SIPA1L2: variants seen among roughly 807,000 people sequenced by gnomAD.
SIPA1L2 encodes the protein signal induced proliferation associated 1 like 2.
SIPA1L2 carries 56 observed loss-of-function variants against 163.9 expected under a neutral mutation model. That is an observed-to-expected ratio of 0.34 (90% CI 0.28 to 0.43). The LOEUF is 0.43. Ranked by LOEUF, SIPA1L2 falls within the 20% of genes least tolerant of loss-of-function variation. The probability of loss-of-function intolerance (pLI) is 1.00; values close to 1 mark genes in which losing one functional copy is unlikely to be tolerated. For missense variants in SIPA1L2, 1,974 were observed against 2,193.5 expected, an observed-to-expected ratio of 0.90 and a Z score of 2.00; for synonymous variants, 877 against 865.7, an observed-to-expected ratio of 1.01 and a Z score of -0.23.
chr1:232,539,627 A>T (rs1213607116), intron 2 of SIPA1L2, among the ~76,000 whole-genome samples: 2 of 152,144 alleles, frequency 1.3e-5, no homozygotes, highest in Non-Finnish European at 1.5e-5. Context: ...CAGGTTGTAC[A>T]AGAAGAGCAA....
At chr1:232,476,103 T>C (rs1665032825) in intron 7 of SIPA1L2, among the ~76,000 whole-genome samples, 1 of 152,190 alleles carries the variant, frequency 6.6e-6, no homozygotes, top group African/African-American at 2.4e-5. Flanking sequence ...TTCCAGTATT[T>C]ACATGAGTCC....
intron 4 of SIPA1L2, among the ~76,000 whole-genome samples, chr1:232,492,436 C>CAAG (rs1665979709): frequency 6.6e-6 from 1 of 152,134 alleles, no homozygotes; most frequent in Non-Finnish European, 1.5e-5. Flanking sequence ...AGCCTCAACT[C>CAAG]CTGAGCTCAA....
chr1:232,417,243 A>T (rs1358954878), intron 18 of SIPA1L2, among the ~76,000 whole-genome samples: 1 of 152,204 alleles, frequency 6.6e-6, no homozygotes. Context: ...CTCTGGACAA[A>T]TGCAGCTCTT....
At chr1:232,585,846 T>C (rs1660628547) in intron 1 of SIPA1L2, among the ~76,000 whole-genome samples, 1 of 152,218 alleles carries the variant, frequency 6.6e-6, no homozygotes. Context: ...ATAACACAGC[T>C]ACTGACTTGC....
At chr1:232,623,160 G>A (rs531805181) in intron 1 of SIPA1L2, among the ~76,000 whole-genome samples, 1 of 152,210 alleles carries the variant, frequency 6.6e-6, no homozygotes, top group Non-Finnish European at 1.5e-5. Context: ...CTAACGGCTG[G>A]GAAGCCAGGC....
rs1346282939 is a variant in SIPA1L2 at position 232,493,597 on chromosome 1, T to C, written c.1547A>G (p.Glu516Gly). ...LGPVAVSIRREKVEDAKEKEG... is the reference protein window; with the variant it reads ...LGPVAVSIRRGKVEDAKEKEG... ...TTTCTCCTTGGCATCTTCCACCTTC[T>C]CTCTCCGGATGCTGACTGCTACTGG... Residue 516 changes from glutamate to glycine, a missense_variant, in exon 4 of 23, where the codon GAG becomes GGG. Physicochemically the swap from Glu to Gly is moderately conservative, Grantham distance 98. Transcript: ENST00000674635. 2 of 1,614,078 alleles carry C rather than the reference T, an allele frequency of 1.2e-6. No individual in the cohort carries two copies. The highest frequency in any genetic ancestry group is 3.3e-5 in the Admixed American group (2 of 60,006).
intron 17 of SIPA1L2, 37 bp downstream of exon 17, chr1:232,428,374 T>TTTGG: frequency 7.7e-7 from 1 of 1,295,712 alleles, no homozygotes; most frequent in Non-Finnish European, 1.0e-6. Flanking sequence ...TTTTTTTTAG[T>TTTGG]GTTTCTGGTA....
rs548240931 is a variant in SIPA1L2 at position 232,596,519 on chromosome 1, T to C, written c.-318-22297A>G. Among the ~76,000 whole-genome samples the C allele has an allele frequency of 2.6e-5, 4 of 152,374 alleles. No individual in the cohort carries two copies. The South Asian group carries it at 8.3e-4, about 32-fold the overall frequency. On this transcript the variant is annotated intron_variant, in intron 1 of 22. Transcript: ENST00000674635. Reference sequence around the variant, plus strand: ...TGGTTGCTGAATTTATTCATGCTATTATAAGACATTTAGAATTGCTTACAG... The same window carrying C: ...TGGTTGCTGAATTTATTCATGCTATCATAAGACATTTAGAATTGCTTACAG...
At chr1:232,554,897 C>T (rs1432616850) in intron 2 of SIPA1L2, among the ~76,000 whole-genome samples, 1 of 152,218 alleles carries the variant, frequency 6.6e-6, no homozygotes, top group Admixed American at 6.5e-5. Flanking sequence ...GCACATCATA[C>T]ATTTGTGTCT....
At position 232,515,429 on chromosome 1, in the gene SIPA1L2, T is replaced by C; in HGVS notation, c.-90A>G. The C allele has an allele frequency of 9.7e-6, 13 of 1,333,422 alleles. No homozygotes were observed. Among genetic ancestry groups the C allele is most frequent in the Non-Finnish European group, 1.3e-5 (13 of 993,266 alleles). 82.6% of individuals were successfully genotyped at this position (1,333,422 alleles called of 1,614,324 possible). On this transcript the variant is annotated 5_prime_UTR_variant, in exon 3 of 23. The change creates a new upstream start codon in the 5' untranslated region. Coordinates refer to ENST00000674635, the MANE Select transcript of SIPA1L2 (RefSeq NM_020808.5). ...CCGACCACGCCATAATACTTGCAGA[T>C]ATAAAGGCTTTGTCTGTAGTTGTAT... is the stretch of plus-strand genomic sequence containing the variant.
chr1:232,402,341 G>T (rs2102738305), intron 22 of SIPA1L2, 51 bp downstream of exon 22: 1 of 1,537,642 alleles, frequency 6.5e-7, no homozygotes, highest in Non-Finnish European at 8.9e-7. Context: ...AGTTATAAGG[G>T]GCTGATTTTA....
chr1:232,414,916 A>G (rs1229048152), intron 19 of SIPA1L2, among the ~76,000 whole-genome samples: 1 of 152,202 alleles, frequency 6.6e-6, no homozygotes, highest in African/African-American at 2.4e-5. Context: ...CAAAAATGAC[A>G]GAAGACAGTG....
At chr1:232,553,803 T>C (rs1460869652) in intron 2 of SIPA1L2, among the ~76,000 whole-genome samples, 2 of 152,198 alleles carry the variant, frequency 1.3e-5, no homozygotes, top group South Asian at 2.1e-4. Context: ...ATCAGACAAA[T>C]TCCAAGAGTA....
In SIPA1L2 at chr1:232,486,430, C is replaced by T. The variant is rs1046577551; in HGVS notation, c.1807-2464G>A. Among the ~76,000 whole-genome samples, 6 of 152,176 alleles carry T rather than the reference C, an allele frequency of 3.9e-5. No individual in the cohort carries two copies. The East Asian group carries it at 1.2e-3, about 29-fold the overall frequency. ...CTAACAGGATCTAGAACAGGATTTG[C>T]ATTTCCATCTAAGAAGCTCCTGGGC... On this transcript the variant is annotated intron_variant, in intron 5 of 22. Coordinates refer to ENST00000674635, the MANE Select transcript of SIPA1L2 (RefSeq NM_020808.5).
chr1:232,559,701 T>C (rs1658922859), intron 2 of SIPA1L2, among the ~76,000 whole-genome samples: 1 of 152,136 alleles, frequency 6.6e-6, no homozygotes. Context: ...ATTGAGGAGA[T>C]TTTATTTCCT....
intron 10 of SIPA1L2, among the ~76,000 whole-genome samples, chr1:232,448,295 C>T (rs2102880781): frequency 6.6e-6 from 1 of 152,326 alleles, no homozygotes; most frequent in Non-Finnish European, 1.5e-5. Flanking sequence ...AGTCTCAACT[C>T]TAGAATTCAA....
chr1:232,442,638 A>C (rs1662976458), intron 12 of SIPA1L2, among the ~76,000 whole-genome samples: 1 of 152,162 alleles, frequency 6.6e-6, no homozygotes, highest in Non-Finnish European at 1.5e-5. Context: ...ATATGATAGA[A>C]ATAAGTAGAA....
At chr1:232,439,692 C>A (rs557286160) in intron 14 of SIPA1L2, among the ~76,000 whole-genome samples, 196 bp from the exon 15 acceptor site, 1 of 152,162 alleles carries the variant, frequency 6.6e-6, no homozygotes. Flanking sequence ...ATACTTCTTC[C>A]CATAATTTAT....
At chr1:232,616,855 T>A (rs1309736016) in intron 1 of SIPA1L2, among the ~76,000 whole-genome samples, 1 of 152,210 alleles carries the variant, frequency 6.6e-6, no homozygotes, top group Non-Finnish European at 1.5e-5. Flanking sequence ...ACTTCAGTAG[T>A]AGAAGAAATA....
Sources: allele counts gnomAD v4.1 joint callset (sites outside exome capture counted in the v4.1 genomes callset), GRCh38; gene constraint gnomAD v4.1.1; transcripts MANE v1.5; gene names NCBI Gene and HGNC (gene_info 2026-07-23, HGNC 2026-07-21).